PC: variants seen among roughly 807,000 people sequenced by gnomAD.
PC encodes pyruvate carboxylase.
A neutral mutation model predicts 107.8 loss-of-function variants in PC; 46 were observed. The observed-to-expected ratio is 0.43, with a 90% confidence interval of 0.34 to 0.55. The LOEUF (loss-of-function observed/expected upper bound fraction) is 0.55. Ranked by LOEUF, PC falls within the 20% of genes least tolerant of loss-of-function variation. The pLI is 0.04. For missense variants in PC, 1,241 were observed against 1,643.1 expected (o/e 0.76, Z 4.23); for synonymous variants, 662 against 684.7 (o/e 0.97, Z 0.52).
intron 3 of PC, among the ~76,000 whole-genome samples, chr11:66,882,045 C>T (rs1407054880): frequency 2.0e-5 from 3 of 152,238 alleles, no homozygotes; most frequent in African/African-American, 4.8e-5. Context: ...AGCTTCCCAA[C>T]GAGAGCTGAC....
chr11:66,916,587 G>T (rs897495108), intron 3 of PC, among the ~76,000 whole-genome samples: 1 of 152,180 alleles, frequency 6.6e-6, no homozygotes, highest in Admixed American at 6.5e-5. Flanking sequence ...ATCCAAGAAG[G>T]CACTGGGTAA....
At chr11:66,856,027 T>C (rs1445280139) in intron 12 of PC, among the ~76,000 whole-genome samples, 1 of 120,822 alleles carries the variant, frequency 8.3e-6, no homozygotes, top group Non-Finnish European at 1.7e-5. Context: ...AGGTGGTGAC[T>C]TCCTGTTTCC....
intron 3 of PC, among the ~76,000 whole-genome samples, chr11:66,894,063 T>C (rs1159148029): frequency 6.6e-6 from 1 of 151,978 alleles, no homozygotes; most frequent in Non-Finnish European, 1.5e-5. Context: ...TCCTACTCAT[T>C]ACCACAGCTC....
intron 3 of PC, among the ~76,000 whole-genome samples, chr11:66,875,638 G>C (rs1946947649): frequency 6.6e-6 from 1 of 152,120 alleles, no homozygotes; most frequent in Admixed American, 6.5e-5. Context: ...CGGCTCTCAG[G>C]AGGATGGGGC....
At chr11:66,907,260 G>A (rs1283019563) in intron 3 of PC, among the ~76,000 whole-genome samples, 1 of 152,218 alleles carries the variant, frequency 6.6e-6, no homozygotes, top group Non-Finnish European at 1.5e-5. Flanking sequence ...AGGAACAGTG[G>A]TTCACGCCTG....
intron 3 of PC, among the ~76,000 whole-genome samples, chr11:66,928,397 A>AAC (rs956403989): frequency 1.3e-5 from 2 of 151,708 alleles, no homozygotes; most frequent in Non-Finnish European, 2.9e-5. Flanking sequence ...AAAAAAAAAA[A>AAC]AAAAACAAGA....
At position 66,852,699 on chromosome 11, in the gene PC, G is replaced by A; in HGVS notation, c.1604-39C>T. 2 of 1,611,082 alleles carry A rather than the reference G, an allele frequency of 1.2e-6. No individual in the cohort carries two copies. Among genetic ancestry groups the A allele is most frequent in the Non-Finnish European group, 1.7e-6 (2 of 1,177,594 alleles). ...GGGCATTGGTGCCCATCCTGCAGGT[G>A]GCAACCTCCTGTCTCCCCCATGAGT... On this transcript the variant is annotated intron_variant, in intron 14 of 22. Transcript: ENST00000393960. The surrounding 1 kb of genome is among the most constrained non-coding windows in gnomAD (Gnocchi z 4.7).
chr11:66,917,129 T>A (rs1205641546), intron 3 of PC, among the ~76,000 whole-genome samples: 2 of 152,056 alleles, frequency 1.3e-5, no homozygotes, highest in African/African-American at 4.8e-5. Flanking sequence ...TGGAGTGCAG[T>A]GGCACCATCT....
intron 3 of PC, among the ~76,000 whole-genome samples, chr11:66,916,169 C>A (rs1001246253): frequency 6.6e-6 from 1 of 152,224 alleles, no homozygotes; most frequent in Non-Finnish European, 1.5e-5. Flanking sequence ...CCCCTGTGGT[C>A]TTTCCCTTAG....
At chr11:66,942,888 C>T (rs1232842512) in intron 3 of PC, among the ~76,000 whole-genome samples, 1 of 151,622 alleles carries the variant, frequency 6.6e-6, no homozygotes, top group Non-Finnish European at 1.5e-5. Context: ...TGGTGGCGGG[C>T]GTCTGTAGTC....
At chr11:66,868,647 T>C (rs1946599071) in intron 10 of PC, among the ~76,000 whole-genome samples, 199 bp downstream of exon 10, 1 of 152,200 alleles carries the variant, frequency 6.6e-6, no homozygotes, top group Admixed American at 6.5e-5. Flanking sequence ...TATTTGCTCC[T>C]TTGTGCTGAT....
intron 3 of PC, among the ~76,000 whole-genome samples, chr11:66,901,736 G>A (rs932707542): frequency 2.0e-5 from 3 of 152,152 alleles, no homozygotes; most frequent in African/African-American, 4.8e-5. Flanking sequence ...GCCTCCCAAA[G>A]TGCTAGGATT....
chr11:66,929,564 A>C (rs957566249), intron 3 of PC, among the ~76,000 whole-genome samples: 1 of 152,058 alleles, frequency 6.6e-6, no homozygotes, highest in East Asian at 1.9e-4. Flanking sequence ...ACAAGGTTTC[A>C]CCATGTTGAC....
chr11:66,853,388 A>G lies in PC; in HGVS notation c.1369-5T>C, dbSNP rs2135822203. 1 of 1,586,368 alleles carries G rather than the reference A, an allele frequency of 6.3e-7. No homozygotes were observed. The highest frequency in any genetic ancestry group is 1.7e-5 in the Admixed American group (1 of 59,088). On this transcript the variant is annotated splice_region_variant and splice_polypyrimidine_tract_variant and intron_variant, in intron 12 of 22. Coordinates refer to ENST00000393960, the MANE Select transcript of PC (RefSeq NM_001040716.2). The stretch of plus-strand genomic sequence containing the variant: ...CTGCAGGAAGGCGATGTTGGTCTGC[A>G]GGACAGAGGCGGGTGGGAGGGGGTC...
intron 3 of PC, among the ~76,000 whole-genome samples, chr11:66,941,158 A>AC (rs1949120843): frequency 6.6e-6 from 1 of 151,730 alleles, no homozygotes; most frequent in Non-Finnish European, 1.5e-5. Context: ...ATGAGATATC[A>AC]CCTCATACCC....
chr11:66,911,925 C>T (rs906225349), intron 3 of PC, among the ~76,000 whole-genome samples: 5 of 151,896 alleles, frequency 3.3e-5, no homozygotes, highest in African/African-American at 9.7e-5. Flanking sequence ...TCCAGCTACT[C>T]GGAAGGCTGA....
intron 3 of PC, among the ~76,000 whole-genome samples, chr11:66,948,401 G>T (rs988347138): frequency 1.3e-5 from 2 of 152,084 alleles, no homozygotes; most frequent in Non-Finnish European, 2.9e-5. Context: ...GAAGAGTGAG[G>T]AGGCAGAGGG....
chr11:66,952,635 G>A (rs1000196288), intron 2 of PC, among the ~76,000 whole-genome samples, 167 bp from the exon 3 acceptor site: 2 of 152,284 alleles, frequency 1.3e-5, no homozygotes, highest in South Asian at 2.1e-4. Flanking sequence ...TCTGCTTCCC[G>A]GATTCAAGCG....
chr11:66,863,318 C>T (rs762761104), intron 12 of PC, among the ~76,000 whole-genome samples: 7 of 152,108 alleles, frequency 4.6e-5, no homozygotes, highest in African/African-American at 9.7e-5. Flanking sequence ...CCAGCCTGGG[C>T]GACAGCAAGA....
Sources: gnomAD v4.1 joint callset for allele counts (sites outside exome capture counted in the v4.1 genomes callset) on GRCh38, gnomAD v4.1.1 for gene constraint, Gnocchi (gnomAD v3.1) non-coding constraint, MANE v1.5 for transcripts, NCBI Gene and HGNC (gene_info 2026-07-23, HGNC 2026-07-21) for gene names.